NCK2: variants seen among roughly 807,000 people sequenced by gnomAD.
NCK2 encodes NCK adaptor protein 2.
Under a neutral mutation model 33.9 loss-of-function variants are expected in NCK2, and 16 were observed. That is an observed-to-expected ratio of 0.47 (90% confidence interval 0.32 to 0.72). The LOEUF is 0.72. Ranked by LOEUF, NCK2 falls within the 30% of genes least tolerant of loss-of-function variation. NCK2 has a pLI of 0.03. For missense variants in NCK2, 418 were observed against 537.3 expected (o/e 0.78, Z 2.19); for synonymous variants, 273 against 239.9 (o/e 1.14, Z -1.27).
At chr2:105,865,062 T>G (rs757488766) in intron 3 of NCK2, among the ~76,000 whole-genome samples, 1 of 152,166 alleles carries the variant, frequency 6.6e-6, no homozygotes, top group Non-Finnish European at 1.5e-5. Context: ...TCAGCCAGCA[T>G]CAGTGCTCCC....
chr2:105,837,875 C>G (rs1395168692), intron 2 of NCK2, among the ~76,000 whole-genome samples: 1 of 152,142 alleles, frequency 6.6e-6, no homozygotes, highest in Non-Finnish European at 1.5e-5. Flanking sequence ...GCTACCTGTC[C>G]TTGCAATGAC....
intron 1 of NCK2, among the ~76,000 whole-genome samples, chr2:105,770,425 T>G (rs1690095912): frequency 6.6e-6 from 1 of 152,212 alleles, no homozygotes; most frequent in South Asian, 2.1e-4. Flanking sequence ...GTGTCCTGAT[T>G]AAAAAGTACA....
chr2:105,791,995 C>T (rs1471385169), intron 1 of NCK2, among the ~76,000 whole-genome samples: 1 of 152,130 alleles, frequency 6.6e-6, no homozygotes, highest in East Asian at 1.9e-4. Context: ...AATGGGTTAG[C>T]GGTTGATTCT....
chr2:105,825,490 C>T (rs567293659), intron 2 of NCK2, among the ~76,000 whole-genome samples: 5 of 152,320 alleles, frequency 3.3e-5, no homozygotes, highest in Non-Finnish European at 7.3e-5. Context: ...GGCACTGCAG[C>T]GCTTTGGAAC....
chr2:105,747,478 G>C (rs1025082079), intron 1 of NCK2, among the ~76,000 whole-genome samples: 3 of 152,162 alleles, frequency 2.0e-5, no homozygotes, highest in African/African-American at 7.2e-5. Context: ...TTTTCTAACT[G>C]CTCAAACTGG....
At chr2:105,781,365 A>C (rs1362348462) in intron 1 of NCK2, among the ~76,000 whole-genome samples, 1 of 150,028 alleles carries the variant, frequency 6.7e-6, no homozygotes, top group African/African-American at 2.4e-5. Context: ...TTCCACCTCC[A>C]CCACTCATCC....
At chr2:105,766,409 G>A (rs1379778866) in intron 1 of NCK2, among the ~76,000 whole-genome samples, 3 of 152,046 alleles carry the variant, frequency 2.0e-5, no homozygotes, top group African/African-American at 7.2e-5. Flanking sequence ...CTGTGGCCTC[G>A]ACCTCCTGAG....
chr2:105,859,522 T>G (rs560029886), intron 3 of NCK2, among the ~76,000 whole-genome samples: 118 of 152,338 alleles, frequency 7.7e-4, no homozygotes, highest in African/African-American at 2.5e-3. Context: ...CTCCTGCCTC[T>G]GATCCAACCC....
intron 1 of NCK2, among the ~76,000 whole-genome samples, chr2:105,786,648 C>T (rs1232229912): frequency 6.6e-6 from 1 of 152,170 alleles, no homozygotes; most frequent in Non-Finnish European, 1.5e-5. Context: ...AGCACTGTGT[C>T]CCTGTGGTGG....
At chr2:105,889,283 C>T (rs1288536325) in intron 4 of NCK2, among the ~76,000 whole-genome samples, 2 of 152,228 alleles carry the variant, frequency 1.3e-5, no homozygotes, top group Non-Finnish European at 2.9e-5. Context: ...CCAGAGTCCT[C>T]AGGACAGAAT....
chr2:105,771,072 G>A (rs182870524), intron 1 of NCK2, among the ~76,000 whole-genome samples: 3,003 of 151,898 alleles, frequency 0.02, 81 homozygotes, highest in African/African-American at 0.063. Context: ...ACAGGCGCCC[G>A]CCACCATGCC....
chr2:105,781,240 G>T (rs1690486824), intron 1 of NCK2, among the ~76,000 whole-genome samples: 1 of 152,170 alleles, frequency 6.6e-6, no homozygotes, highest in African/African-American at 2.4e-5. Context: ...CAGCCCTTGT[G>T]AATTTTATGA....
At chr2:105,783,282 C>G (rs185575957) in intron 1 of NCK2, among the ~76,000 whole-genome samples, 2 of 152,208 alleles carry the variant, frequency 1.3e-5, no homozygotes, top group African/African-American at 4.8e-5. Flanking sequence ...CTCGCTAGAG[C>G]TTGGGTGGGC....
intron 1 of NCK2, among the ~76,000 whole-genome samples, chr2:105,749,341 G>A (rs1419172244): frequency 6.6e-6 from 1 of 152,140 alleles, no homozygotes; most frequent in African/African-American, 2.4e-5. Flanking sequence ...TGGAAGCTGG[G>A]GTGCTTACGT....
intron 2 of NCK2, among the ~76,000 whole-genome samples, chr2:105,834,676 T>A (rs997090861): frequency 1.3e-5 from 2 of 152,144 alleles, no homozygotes; most frequent in Admixed American, 6.5e-5. Context: ...TTAATTTTTT[T>A]ATTTTTTTAG....
intron 2 of NCK2, among the ~76,000 whole-genome samples, chr2:105,832,802 G>A (rs1370535063): frequency 1.3e-5 from 2 of 151,354 alleles, no homozygotes; most frequent in African/African-American, 2.4e-5. Context: ...CAGGTGTCAG[G>A]ATAATACTGG....
chr2:105,870,065 C>T (rs1167286062), intron 3 of NCK2, among the ~76,000 whole-genome samples: 2 of 152,190 alleles, frequency 1.3e-5, no homozygotes, highest in Non-Finnish European at 2.9e-5. Context: ...TTTGCCCCAA[C>T]ACCTCCCTTT....
intron 1 of NCK2, among the ~76,000 whole-genome samples, chr2:105,814,272 T>A (rs1240326067): frequency 1.3e-5 from 2 of 152,224 alleles, no homozygotes; most frequent in African/African-American, 4.8e-5. Context: ...CTTAACACAT[T>A]GACAGTTTGT....
chr2:105,813,040 G>A (rs529824978), intron 1 of NCK2, among the ~76,000 whole-genome samples: 27 of 152,298 alleles, frequency 1.8e-4, no homozygotes, highest in Admixed American at 8.5e-4. Context: ...TAGCCCTTTC[G>A]TGGTGATCTT....
Sources: gnomAD v4.1 joint callset for allele counts (sites outside exome capture counted in the v4.1 genomes callset) on GRCh38, gnomAD v4.1.1 for gene constraint, MANE v1.5 for transcripts, NCBI Gene and HGNC (gene_info 2026-07-23, HGNC 2026-07-21) for gene names.